The following LAMC2 variants were observed in gnomAD, a reference collection of about 807,000 sequenced individuals.
The protein encoded by LAMC2 is laminin subunit gamma-2.
Under a neutral mutation model 140.2 loss-of-function variants are expected in LAMC2, and 97 were observed. That is an observed-to-expected ratio of 0.69 (90% confidence interval 0.59 to 0.82). LAMC2 has a LOEUF of 0.82. Among genes scored for constraint, LAMC2 ranks in the 40% least tolerant of loss-of-function variants. LAMC2 has a pLI of 0.00. For synonymous variants in LAMC2, 513 were observed against 540.2 expected, an observed-to-expected ratio of 0.95 and a Z score of 0.70; for missense variants, 1,402 against 1,476.1, an observed-to-expected ratio of 0.95 and a Z score of 0.82.
chr1:183,253,635 T>C, the LAMC2 span, among the ~76,000 whole-genome samples: 2 of 152,128 alleles, frequency 1.3e-5, 1 homozygote, highest in South Asian at 4.2e-4. Flanking sequence ...TCTCTATCTG[T>C]ATGTTTAAGA....
chr1:183,194,286 T>G (rs1658444635), intron 1 of LAMC2, among the ~76,000 whole-genome samples: 1 of 151,418 alleles, frequency 6.6e-6, no homozygotes. Flanking sequence ...TAAGATGCTA[T>G]AAATGCACGC....
Position 183,236,513 on chromosome 1 carries a change from C to T in LAMC2, c.2510C>T (p.Ala837Val), listed in dbSNP as rs373907823. The T allele has an allele frequency of 4.3e-6, 7 of 1,613,904 alleles. No individual in the cohort carries two copies. The highest frequency in any genetic ancestry group is 2.2e-5 in the East Asian group (1 of 44,874). ...CAGTTGACAAGGGAGGCCACTCAAGCGGAAATTGAAGCAGATAGGTCTTAT... is the reference window on the plus strand; with the variant it reads ...CAGTTGACAAGGGAGGCCACTCAAGTGGAAATTGAAGCAGATAGGTCTTAT... ...AQQLTREATQ[A>V]EIEADRSYQH... Residue 837 changes from alanine (A) to valine (V), a missense_variant, in exon 17 of 23, where the codon GCG becomes GTG. This residue lies in a region of LAMC2 where 670 missense variants were observed against 667.2 expected (regional missense o/e 1.00). Coordinates refer to ENST00000264144, the MANE Select transcript of LAMC2 (RefSeq NM_005562.3).
chr1:183,209,052 A>G (rs553291347), intron 2 of LAMC2, among the ~76,000 whole-genome samples: 1 of 150,792 alleles, frequency 6.6e-6, no homozygotes, highest in South Asian at 2.1e-4. Flanking sequence ...TTTGCTGTAC[A>G]CACAGATACA....
intron 16 of LAMC2, among the ~76,000 whole-genome samples, chr1:183,236,146 T>G (rs1659953996): frequency 6.6e-6 from 1 of 152,056 alleles, no homozygotes; most frequent in African/African-American, 2.4e-5. Context: ...GGGACAAGTA[T>G]CTGATAAATA....
chr1:183,199,629 A>G (rs1658643635), intron 1 of LAMC2, among the ~76,000 whole-genome samples: 1 of 152,208 alleles, frequency 6.6e-6, no homozygotes, highest in Admixed American at 6.5e-5. Context: ...GAAGTAAGTC[A>G]TAGACATAAA....
chr1:183,234,743 G>C (rs865786885), intron 15 of LAMC2, among the ~76,000 whole-genome samples: 3 of 152,154 alleles, frequency 2.0e-5, no homozygotes, highest in African/African-American at 7.2e-5. Context: ...CACGTGAAAT[G>C]AATCAGCCCT....
chr1:183,202,531 TA>T (rs1658742296), intron 1 of LAMC2, among the ~76,000 whole-genome samples: 1 of 152,244 alleles, frequency 6.6e-6, no homozygotes, highest in Non-Finnish European at 1.5e-5. Flanking sequence ...TAGTTTGATG[TA>T]TTTGTTATGT....
At chr1:183,207,560 A>G (rs778667794) in intron 1 of LAMC2, among the ~76,000 whole-genome samples, 5 of 152,220 alleles carry the variant, frequency 3.3e-5, no homozygotes, top group Non-Finnish European at 5.9e-5. Flanking sequence ...CATTTAAATC[A>G]GAAATATCCG....
intron 7 of LAMC2, among the ~76,000 whole-genome samples, chr1:183,224,626 CACAA>C (rs1458679705): frequency 1.3e-5 from 2 of 151,794 alleles, no homozygotes; most frequent in Non-Finnish European, 2.9e-5. Context: ...ACCCACAGAA[CACAA>C]ACAAAGAATT....
At chr1:183,225,802 C>G in intron 8 of LAMC2, 82 bp downstream of exon 8, 1 of 884,342 alleles carries the variant, frequency 1.1e-6, no homozygotes, top group Non-Finnish European at 1.9e-6. Flanking sequence ...GCGGCAGTCT[C>G]CAAACAAGTA....
At chr1:183,216,530 G>A (rs997833056) in intron 3 of LAMC2, among the ~76,000 whole-genome samples, 7 of 152,090 alleles carry the variant, frequency 4.6e-5, no homozygotes, top group African/African-American at 1.7e-4. Flanking sequence ...CCGCAGGGAA[G>A]CCACAATAGC....
chr1:183,205,440 T>C (rs1178913740), intron 1 of LAMC2, among the ~76,000 whole-genome samples: 1 of 152,226 alleles, frequency 6.6e-6, no homozygotes, highest in Non-Finnish European at 1.5e-5. Flanking sequence ...GCAAATGTAA[T>C]ATGCTGTAAG....
Position 183,243,958 on chromosome 1 carries a change from T to C in LAMC2, c.*558T>C, listed in dbSNP as rs936564700. The stretch of plus-strand genomic sequence containing the variant: ...CAGGGTGTGAACATGTTCTCCATTT[T>C]CAAGCTGGAAGAAGTGAGCAGTGTT... On this transcript the variant is annotated 3_prime_UTR_variant, in exon 23 of 23. Transcript: ENST00000264144. 5.8e-6 allele frequency: 1 copy of C among 172,872 alleles called. No individual in the cohort carries two copies. Among genetic ancestry groups the C allele is most frequent in the African/African-American group, 2.4e-5 (1 of 41,940 alleles). 10.7% of individuals were successfully genotyped at this position (172,872 alleles called of 1,614,324 possible). A position where few individuals can be genotyped will look rare whatever the true frequency, so the allele number is the denominator to read the frequency against.
the LAMC2 span, chr1:183,252,631 C>A: frequency 7.5e-6 from 12 of 1,599,256 alleles, no homozygotes; most frequent in Non-Finnish European, 1.0e-5. Flanking sequence ...TGCCGGAGGA[C>A]GAGGGGCTGC....
At chr1:183,192,078 A>G (rs545773402) in intron 1 of LAMC2, among the ~76,000 whole-genome samples, 1 of 152,304 alleles carries the variant, frequency 6.6e-6, no homozygotes, top group East Asian at 1.9e-4. Context: ...TAATTCCCCA[A>G]AAAGCATCTG....
intron 2 of LAMC2, among the ~76,000 whole-genome samples, chr1:183,213,628 C>T (rs772425047): frequency 3.3e-5 from 5 of 150,822 alleles, no homozygotes; most frequent in South Asian, 2.1e-4. Flanking sequence ...GGTGAAATCC[C>T]GTCTCTACTA....
chr1:183,221,421 G>A (rs991659301), intron 5 of LAMC2, among the ~76,000 whole-genome samples: 1 of 152,180 alleles, frequency 6.6e-6, no homozygotes, highest in African/African-American at 2.4e-5. Context: ...TTAAGTCTGA[G>A]TTTCCCTTTG....
chr1:183,220,298 C>T (rs10911287), intron 4 of LAMC2, among the ~76,000 whole-genome samples: 19,140 of 152,036 alleles, frequency 0.13, 1,228 homozygotes, highest in East Asian at 0.19. Flanking sequence ...CATATCCTCA[C>T]CTGCCCTTTT....
chr1:183,194,250 GAAA>G (rs112301239), intron 1 of LAMC2, among the ~76,000 whole-genome samples: 3,079 of 132,752 alleles, frequency 0.023, 98 homozygotes, highest in African/African-American at 0.073. Flanking sequence ...TCTTTTTTCT[GAAA>G]AAAAAAAAAA....
Sources: gnomAD v4.1 joint callset for allele counts (sites outside exome capture counted in the v4.1 genomes callset) on GRCh38, gnomAD v4.1.1 for gene constraint, gnomAD v4.1.1 regional missense constraint, MANE v1.5 for transcripts, NCBI Gene and HGNC (gene_info 2026-07-23, HGNC 2026-07-21) for gene names.